Variants in SPATA16 observed in about 807,000 individuals in gnomAD.
SPATA16 encodes spermatogenesis associated 16, also known as spermatogenesis-associated protein 16.
A neutral mutation model predicts 63.3 loss-of-function variants in SPATA16; 36 were observed. The observed-to-expected ratio is 0.57, with a 90% CI of 0.44 to 0.75. The LOEUF is 0.75. SPATA16 is among the 30% of genes least tolerant of loss of function. SPATA16 has a pLI of 0.00. For synonymous variants in SPATA16, 203 were observed against 216.7 expected (o/e 0.94, Z 0.56); for missense variants, 646 against 679.3 (o/e 0.95, Z 0.54).
At chr3:172,997,819 A>T (rs372186609) in intron 4 of SPATA16, among the ~76,000 whole-genome samples, 1 of 152,134 alleles carries the variant, frequency 6.6e-6, no homozygotes, top group Non-Finnish European at 1.5e-5. Context: ...TTGCATCTGC[A>T]TGTCCAGTGG....
At chr3:173,111,088 AG>A (rs775497885) in intron 2 of SPATA16, among the ~76,000 whole-genome samples, 1 of 152,260 alleles carries the variant, frequency 6.6e-6, no homozygotes. Context: ...ATTCCATCTC[AG>A]CCCTGCCACA....
chr3:173,070,806 T>C (rs1366863786), intron 2 of SPATA16, among the ~76,000 whole-genome samples: 1 of 152,132 alleles, frequency 6.6e-6, no homozygotes, highest in Non-Finnish European at 1.5e-5. Flanking sequence ...TGAAAGAAAT[T>C]GAAGAGGACA....
intron 2 of SPATA16, among the ~76,000 whole-genome samples, chr3:173,083,518 A>G (rs918518657): frequency 2.0e-5 from 3 of 152,184 alleles, no homozygotes; most frequent in African/African-American, 7.2e-5. Flanking sequence ...TCTGAGGTAC[A>G]TGTGCAGGAT....
At chr3:172,890,074 AAAAC>A (rs762515058) in intron 10 of SPATA16, among the ~76,000 whole-genome samples, 20 of 152,318 alleles carry the variant, frequency 1.3e-4, no homozygotes, top group Middle Eastern at 3.4e-3. Context: ...AATAAGAGTG[AAAAC>A]AAACAAACAA....
intron 2 of SPATA16, among the ~76,000 whole-genome samples, chr3:173,104,721 C>T (rs1017709695): frequency 1.3e-5 from 2 of 152,182 alleles, no homozygotes; most frequent in Admixed American, 6.5e-5. Context: ...GACATCCAAG[C>T]TATATAATTT....
chr3:173,117,649 C>G lies in SPATA16; in HGVS notation c.83G>C (p.Ser28Thr). The G allele has an allele frequency of 6.2e-7, 1 of 1,613,998 alleles. No homozygotes were observed. The highest frequency in any genetic ancestry group is 1.1e-5 in the South Asian group (1 of 91,074). Reference protein sequence around the residue: ...HDQLVPKINTSKKMSTLAHPP... With the variant: ...HDQLVPKINTTKKMSTLAHPP... ...GTGCGCTAAGGTGGACATTTTCTTG[C>G]TTGTGTTTATCTTTGGAACAAGCTG... The change falls in exon 2 of 11, where the codon AGC becomes ACC. Residue 28 changes from serine to threonine, a missense_variant. By Grantham distance (58) the Ser-to-Thr change is moderately conservative. Transcript: ENST00000351008.
At chr3:173,071,814 A>C (rs1347944148) in intron 2 of SPATA16, among the ~76,000 whole-genome samples, 2 of 152,226 alleles carry the variant, frequency 1.3e-5, no homozygotes, top group Non-Finnish European at 2.9e-5. Context: ...ACATGAAAGA[A>C]TGCTCAACGT....
At chr3:173,103,538 C>T (rs1401838396) in intron 2 of SPATA16, among the ~76,000 whole-genome samples, 1 of 152,250 alleles carries the variant, frequency 6.6e-6, no homozygotes, top group Non-Finnish European at 1.5e-5. Context: ...TCTGAAGTGG[C>T]AGCCCAAGCT....
At chr3:173,050,225 G>T (rs900426333) in intron 2 of SPATA16, among the ~76,000 whole-genome samples, 3 of 152,038 alleles carry the variant, frequency 2.0e-5, no homozygotes, top group African/African-American at 7.2e-5. Flanking sequence ...GTTCTAAAAT[G>T]CATTTACTTT....
At chr3:172,961,540 G>A (rs896137949) in intron 5 of SPATA16, among the ~76,000 whole-genome samples, 4 of 151,866 alleles carry the variant, frequency 2.6e-5, no homozygotes, top group East Asian at 3.9e-4. Context: ...GACTACAGGC[G>A]CCCACCACCA....
At chr3:173,114,369 G>T (rs551723991) in intron 2 of SPATA16, among the ~76,000 whole-genome samples, 2 of 152,180 alleles carry the variant, frequency 1.3e-5, no homozygotes, top group Admixed American at 1.3e-4. Flanking sequence ...GTGGCCACAT[G>T]ATTAAATTTT....
intron 4 of SPATA16, among the ~76,000 whole-genome samples, chr3:173,018,036 C>T (rs1735232638): frequency 1.3e-5 from 2 of 152,046 alleles, no homozygotes; most frequent in East Asian, 1.9e-4. Context: ...TTAGATAAAA[C>T]ACATTGCAGA....
intron 1 of SPATA16, among the ~76,000 whole-genome samples, chr3:173,132,827 G>A (rs1033398019): frequency 7.2e-5 from 11 of 152,148 alleles, no homozygotes; most frequent in African/African-American, 2.2e-4. Context: ...ATAGCAATGC[G>A]GTAGACATAA....
At chr3:173,133,204 G>A (rs1738430782) in intron 1 of SPATA16, among the ~76,000 whole-genome samples, 1 of 152,188 alleles carries the variant, frequency 6.6e-6, no homozygotes, top group African/African-American at 2.4e-5. Context: ...TACTGGAACT[G>A]AAACCTGCAG....
chr3:173,067,253 C>T (rs1736543035), intron 2 of SPATA16, among the ~76,000 whole-genome samples: 1 of 152,068 alleles, frequency 6.6e-6, no homozygotes, highest in East Asian at 1.9e-4. Flanking sequence ...ACCTATACAC[C>T]ATGGAATACT....
chr3:173,043,390 A>T (rs1340383829), intron 3 of SPATA16, among the ~76,000 whole-genome samples: 1 of 151,986 alleles, frequency 6.6e-6, no homozygotes, highest in East Asian at 1.9e-4. Context: ...CATTTCATGT[A>T]AAAAAGCCTT....
At chr3:172,939,598 G>A (rs1391764445) in intron 6 of SPATA16, among the ~76,000 whole-genome samples, 2 of 152,210 alleles carry the variant, frequency 1.3e-5, no homozygotes, top group Non-Finnish European at 2.9e-5. Context: ...TGTTGGTGAA[G>A]CCCTAACACA....
chr3:173,069,112 G>GAAAAAAAAAAAAAAAAAAAAAAA (rs541801266), intron 2 of SPATA16, among the ~76,000 whole-genome samples: 4 of 109,154 alleles, frequency 3.7e-5, no homozygotes, highest in African/African-American at 1.1e-4. Context: ...TCCGTCTCAA[G>GAAAAAAAAAAAAAAAAAAAAAAA]AAAAAAAAAA....
At chr3:172,926,049 C>T (rs1228451871) in intron 6 of SPATA16, among the ~76,000 whole-genome samples, 2 of 152,234 alleles carry the variant, frequency 1.3e-5, no homozygotes, top group East Asian at 3.9e-4. Context: ...TAGTCTCAAA[C>T]TCCTGACCTC....
Sources: allele counts gnomAD v4.1 joint callset (sites outside exome capture counted in the v4.1 genomes callset), GRCh38; gene constraint gnomAD v4.1.1; transcripts MANE v1.5; gene names NCBI Gene and HGNC (gene_info 2026-07-23, HGNC 2026-07-21).